The following ULK2 variants were observed in gnomAD, a reference collection of about 807,000 sequenced individuals.
ULK2 encodes the protein unc-51 like autophagy activating kinase 2.
ULK2 carries 76 observed loss-of-function variants against 127.5 expected under a neutral mutation model. The ratio of observed to expected loss-of-function variants is 0.60; its 90% confidence interval spans 0.50 to 0.72. The LOEUF (loss-of-function observed/expected upper bound fraction) is 0.72, where lower values mean the gene tolerates loss of function less well. Among genes scored for constraint, ULK2 ranks in the 30% least tolerant of loss-of-function variants. ULK2 has a pLI of 0.00. For missense variants in ULK2, 1,144 were observed against 1,295.9 expected, an observed-to-expected ratio of 0.88 and a Z score of 1.80; for synonymous variants, 452 against 461.9, an observed-to-expected ratio of 0.98 and a Z score of 0.28.
chr17:19,826,918 C>T (rs1484785823), intron 10 of ULK2, among the ~76,000 whole-genome samples: 1 of 150,384 alleles, frequency 6.6e-6, no homozygotes, highest in African/African-American at 2.4e-5. Flanking sequence ...GATCGCGCCA[C>T]TGCACTCCAG....
At chr17:19,777,528 G>T in intron 26 of ULK2, 53 bp downstream of exon 26, 1 of 1,552,218 alleles carries the variant, frequency 6.4e-7, no homozygotes, top group Non-Finnish European at 8.7e-7. Context: ...CTATGCTTGT[G>T]ATAGACAACT....
At chr17:19,779,037 T>G (rs1739360158) in intron 25 of ULK2, among the ~76,000 whole-genome samples, 1 of 152,228 alleles carries the variant, frequency 6.6e-6, no homozygotes, top group Admixed American at 6.5e-5. Flanking sequence ...CATACAGTGA[T>G]GCAGTGCATA....
intron 21 of ULK2, 127 bp downstream of exon 21, chr17:19,785,810 T>C: frequency 8.5e-7 from 1 of 1,174,456 alleles, no homozygotes; most frequent in South Asian, 1.8e-5. Context: ...TAATCTCCAT[T>C]TCACTGGTAA....
intron 13 of ULK2, among the ~76,000 whole-genome samples, chr17:19,813,425 C>G (rs1164107525): frequency 1.3e-5 from 2 of 151,844 alleles, no homozygotes; most frequent in African/African-American, 4.8e-5. Flanking sequence ...TAAATTAGAG[C>G]AATAAGACAA....
chr17:19,798,744 ATTTAACTTATAAAGTGTC>A (rs1184099176), intron 17 of ULK2, among the ~76,000 whole-genome samples: 3 of 152,212 alleles, frequency 2.0e-5, no homozygotes, highest in African/African-American at 7.2e-5. Context: ...ATACAACAGA[ATTTAACTTATAAAGTGTC>A]TTTAACTTAT....
intron 10 of ULK2, among the ~76,000 whole-genome samples, chr17:19,834,248 G>T (rs559275943): frequency 6.5e-4 from 99 of 152,092 alleles, no homozygotes; most frequent in Non-Finnish European, 1.3e-3. Flanking sequence ...AAAGTGAAGG[G>T]AAATAAAGGG....
At chr17:19,820,784 C>T (rs2041122224) in intron 12 of ULK2, among the ~76,000 whole-genome samples, 1 of 152,088 alleles carries the variant, frequency 6.6e-6, no homozygotes, top group Non-Finnish European at 1.5e-5. Context: ...TCAAACAATC[C>T]CCTCTTTTTA....
chr17:19,845,185 G>A (rs1372624573), intron 7 of ULK2, 119 bp downstream of exon 7: 43 of 842,586 alleles, frequency 5.1e-5, no homozygotes, highest in Non-Finnish European at 7.8e-5. Flanking sequence ...ATTAACATTA[G>A]TAATAACAAC....
intron 15 of ULK2, among the ~76,000 whole-genome samples, chr17:19,803,213 A>C (rs157393): frequency 0.88 from 132,601 of 150,530 alleles, 58,915 homozygotes; most frequent in Non-Finnish European, 0.97. Context: ...ACTTGGAACT[A>C]GAACAATCAT....
intron 16 of ULK2, 85 bp from the exon 17 acceptor site, chr17:19,799,660 C>G (rs1480030064): frequency 1.5e-6 from 2 of 1,305,068 alleles, no homozygotes; most frequent in Non-Finnish European, 2.0e-6. Context: ...AACACATGCA[C>G]AAATTGCACA....
intron 14 of ULK2, among the ~76,000 whole-genome samples, chr17:19,806,295 C>A (rs1471388797): frequency 6.6e-6 from 1 of 152,180 alleles, no homozygotes; most frequent in Non-Finnish European, 1.5e-5. Flanking sequence ...TTGAAGCATT[C>A]ATTCCCTGCT....
At chr17:19,859,141 A>C in intron 3 of ULK2, among the ~76,000 whole-genome samples, 1 of 151,414 alleles carries the variant, frequency 6.6e-6, no homozygotes, top group Admixed American at 6.6e-5. Context: ...AGTAAATATA[A>C]TTTAAAAATG....
In ULK2 at chr17:19,804,710, A is replaced by G. The variant is rs767505138; in HGVS notation, c.1278T>C (p.Asn426=). 1.1e-5 allele frequency: 17 copies of G among 1,608,270 alleles called. No individual in the cohort carries two copies. The Admixed American group carries it at 2.2e-4, about 21-fold the overall frequency. The change falls in exon 15 of 27, where the codon AAT becomes AAC. Residue 426 remains asparagine, a synonymous_variant. Coordinates refer to ENST00000395544, the MANE Select transcript of ULK2 (RefSeq NM_014683.4). ...TAACTTACCTTGGAGAACCATGTAC[A>G]TTTGTGCCTGAGCTGGCAGTAGATG... ...NLTSTASSGT[N]VHGSPRSAVV... is the part of the protein sequence containing the mutation.
At position 19,799,494 on chromosome 17, in the gene ULK2, C is replaced by T. The variant is rs979783266; in HGVS notation, c.1522+1G>A. 1.9e-6 allele frequency: 3 copies of T among 1,565,110 alleles called. No homozygotes were observed. Among genetic ancestry groups the T allele is most frequent in the African/African-American group, 1.4e-5 (1 of 72,422 alleles). On this transcript the variant is annotated splice_donor_variant, in intron 17 of 26. Transcript: ENST00000395544. LOFTEE classifies it high-confidence loss of function. The stretch of plus-strand genomic sequence containing the variant: ...TTAATAAACCAAATACATTATCCTA[C>T]CTGAGGAGTTTCTACTCCTGGAGTC...
At chr17:19,867,142 A>G (rs2042368798) in intron 1 of ULK2, among the ~76,000 whole-genome samples, 186 bp downstream of exon 1, 1 of 152,102 alleles carries the variant, frequency 6.6e-6, no homozygotes, top group African/African-American at 2.4e-5. Flanking sequence ...GAGCGCTGCC[A>G]GAGGCTTGGG....
chr17:19,774,873 T>C lies in ULK2; in HGVS notation c.*1476A>G, dbSNP rs1014969090. ...AATGCATGCAGTTACAAATGAGAGG[T>C]AGAAACACTGTATTAAAGACCTAAA... On this transcript the variant is annotated 3_prime_UTR_variant, in exon 27 of 27. Coordinates refer to ENST00000395544, the MANE Select transcript of ULK2 (RefSeq NM_014683.4). 6.6e-6 allele frequency: 1 copy of C among 152,622 alleles called. No individual in the cohort carries two copies. Among genetic ancestry groups the C allele is most frequent in the African/African-American group, 2.4e-5 (1 of 41,456 alleles). 9.5% of individuals were successfully genotyped at this position (152,622 alleles called of 1,614,324 possible). A position where few individuals can be genotyped will look rare whatever the true frequency, so the allele number is the denominator to read the frequency against.
intron 1 of ULK2, 119 bp downstream of exon 1, chr17:19,867,208 AT>A: frequency 1.4e-6 from 1 of 719,390 alleles, no homozygotes; most frequent in Non-Finnish European, 2.1e-6. Flanking sequence ...TGCGCGCACA[AT>A]AGCATACCCG....
chr17:19,828,847 C>T (rs370856666), intron 10 of ULK2, among the ~76,000 whole-genome samples: 15 of 152,324 alleles, frequency 9.8e-5, no homozygotes, highest in Non-Finnish European at 1.6e-4. Flanking sequence ...AGGTGGCTCA[C>T]GCCTCTAATC....
chr17:19,854,321 G>C (rs34348435), intron 3 of ULK2, among the ~76,000 whole-genome samples: 3,834 of 150,646 alleles, frequency 0.025, 79 homozygotes, highest in Non-Finnish European at 0.04. Context: ...CTAGCTTCCT[G>C]ATCTAACACA....
Sources: allele counts gnomAD v4.1 joint callset (sites outside exome capture counted in the v4.1 genomes callset), GRCh38; gene constraint gnomAD v4.1.1; transcripts MANE v1.5; gene names NCBI Gene and HGNC (gene_info 2026-07-23, HGNC 2026-07-21).